Variants in GPATCH1 observed in about 807,000 individuals in gnomAD.
GPATCH1 encodes the protein G-patch domain containing 1, also known as G patch domain-containing protein 1.
In GPATCH1, 73 loss-of-function variants were observed where a neutral mutation model predicts 114.9. The observed-to-expected ratio is 0.64, with a 90% CI of 0.53 to 0.77. GPATCH1 has a LOEUF of 0.77. Ranked by LOEUF, GPATCH1 falls within the 30% of genes least tolerant of loss-of-function variation. The pLI is 0.00. For synonymous variants in GPATCH1, 391 were observed against 428.4 expected, an observed-to-expected ratio of 0.91 and a Z score of 1.08; for missense variants, 1,058 against 1,144.3, an observed-to-expected ratio of 0.92 and a Z score of 1.09.
chr19:33,102,145 T>C (rs9783982), intron 9 of GPATCH1, among the ~76,000 whole-genome samples: 62,953 of 151,372 alleles, frequency 0.42, 16,504 homozygotes, highest in African/African-American at 0.73. Context: ...ACCACCCTGG[T>C]CAATATGGCA....
In GPATCH1 at chr19:33,114,272, AT is replaced by A; in HGVS notation, c.2050del (p.Trp684GlyfsTer17). On this transcript the variant is annotated frameshift_variant, in exon 15 of 20. Coordinates refer to ENST00000170564, the MANE Select transcript of GPATCH1 (RefSeq NM_018025.3). LOFTEE classifies it high-confidence loss of function. ...GPDKSRKPSR[W>X]DTSKHEKKED... ...TTTCAGAATCAAGAAAACCATCCAG[AT>A]GGGATACCTCTAAACACGAAAAGAA... 2 of 1,611,318 alleles carry A rather than the reference AT, an allele frequency of 1.2e-6. No homozygotes were observed. Among genetic ancestry groups the A allele is most frequent in the Non-Finnish European group, 1.7e-6 (2 of 1,179,220 alleles).
intron 11 of GPATCH1, among the ~76,000 whole-genome samples, chr19:33,110,817 G>A (rs1456642055): frequency 6.6e-6 from 1 of 151,754 alleles, no homozygotes; most frequent in East Asian, 1.9e-4. Context: ...TTGGTAGACA[G>A]AATTCAATAA....
intron 1 of GPATCH1, among the ~76,000 whole-genome samples, chr19:33,081,759 T>C (rs1972479584): frequency 6.6e-6 from 1 of 152,054 alleles, no homozygotes; most frequent in South Asian, 2.1e-4. Flanking sequence ...TAGAAAAGAA[T>C]GTCAGAGGGG....
intron 3 of GPATCH1, 118 bp from the exon 4 acceptor site, chr19:33,093,241 T>C (rs1280996868): frequency 2.7e-5 from 17 of 625,140 alleles, no homozygotes; most frequent in Non-Finnish European, 2.5e-5. Flanking sequence ...GTCACTCTGC[T>C]GATCCAGAAC....
In GPATCH1 at chr19:33,109,985, G is replaced by A. The variant is rs770444174; in HGVS notation, c.1554G>A (p.Glu518=). The A allele has an allele frequency of 6.2e-7, 1 of 1,613,370 alleles. No individual in the cohort carries two copies. The highest frequency in any genetic ancestry group is 1.1e-5 in the South Asian group (1 of 90,904). The part of the protein sequence containing the change: ...KDPEKQKRYD[E]FLVHMKQGQK... ...CGGAAAAGCAAAAGCGATACGACGA[G>A]TTCTTAGTACACATGAAACAGGGTC... The change falls in exon 11 of 20, where the codon GAG becomes GAA. Residue 518 remains glutamate (E), a synonymous_variant. Transcript: ENST00000170564.
Position 33,109,768 on chromosome 19 carries a change from T to C in GPATCH1, c.1337T>C (p.Ile446Thr), listed in dbSNP as rs1156745613. The C allele has an allele frequency of 6.3e-7, 1 of 1,598,846 alleles. No individual in the cohort carries two copies. The highest frequency in any genetic ancestry group is 1.1e-5 in the South Asian group (1 of 88,594). ...CTGTCCCAAAAAGACAAAGAGAGAA[T>C]CAAAGAAATGAAGCAGGCAACTGAC... ...EFLSQKDKERIKEMKQATDLK... is the reference protein window; with the variant it reads ...EFLSQKDKERTKEMKQATDLK... The change falls in exon 11 of 20, where the codon ATC (isoleucine) becomes ACC (threonine). Residue 446 changes from isoleucine to threonine, a missense_variant. Physicochemically the swap from Ile to Thr is moderately conservative, Grantham distance 89. Coordinates refer to ENST00000170564, the MANE Select transcript of GPATCH1 (RefSeq NM_018025.3).
chr19:33,094,503 G>A (rs1053440641), intron 5 of GPATCH1, among the ~76,000 whole-genome samples: 1 of 152,110 alleles, frequency 6.6e-6, no homozygotes, highest in Non-Finnish European at 1.5e-5. Context: ...GTAGAGACGG[G>A]GTTTTGCCAT....
intron 3 of GPATCH1, among the ~76,000 whole-genome samples, chr19:33,092,129 C>G (rs1972603498): frequency 6.6e-6 from 1 of 151,950 alleles, no homozygotes; most frequent in Non-Finnish European, 1.5e-5. Context: ...TCACTGCAAC[C>G]TCTGCTTGCC....
At chr19:33,121,602 AG>A (rs146946517) in intron 17 of GPATCH1, among the ~76,000 whole-genome samples, 2,980 of 152,212 alleles carry the variant, frequency 0.02, 118 homozygotes, top group African/African-American at 0.067. Context: ...TTTAGGCGTG[AG>A]CCACCGCACC....
intron 18 of GPATCH1, among the ~76,000 whole-genome samples, chr19:33,125,502 A>C (rs1973031354): frequency 6.6e-6 from 1 of 151,026 alleles, no homozygotes; most frequent in Admixed American, 6.6e-5. Context: ...CTCCTGCTTC[A>C]GCCTCTTGAG....
At chr19:33,128,503 G>A (rs201752062) in intron 19 of GPATCH1, among the ~76,000 whole-genome samples, 59 of 152,218 alleles carry the variant, frequency 3.9e-4, no homozygotes, top group Middle Eastern at 3.4e-3. Flanking sequence ...CTGGTGATCC[G>A]CCTGCCTTGG....
At chr19:33,108,837 G>A (rs1972817026) in intron 10 of GPATCH1, among the ~76,000 whole-genome samples, 1 of 152,170 alleles carries the variant, frequency 6.6e-6, no homozygotes, top group Non-Finnish European at 1.5e-5. Flanking sequence ...CTGCAGGTCT[G>A]GAGCCGGGGA....
intron 10 of GPATCH1, among the ~76,000 whole-genome samples, chr19:33,108,154 G>A (rs1222708039): frequency 6.6e-6 from 1 of 152,054 alleles, no homozygotes; most frequent in African/African-American, 2.4e-5. Context: ...TCCCGGGTCT[G>A]AGCCCCACCC....
intron 16 of GPATCH1, among the ~76,000 whole-genome samples, chr19:33,118,321 G>A (rs1183602629): frequency 6.6e-6 from 1 of 151,546 alleles, no homozygotes; most frequent in Non-Finnish European, 1.5e-5. Flanking sequence ...TGGGACTACA[G>A]GAATGTGCCA....
chr19:33,086,497 ACT>A (rs370284780), intron 1 of GPATCH1, among the ~76,000 whole-genome samples: 19 of 151,942 alleles, frequency 1.3e-4, no homozygotes, highest in Middle Eastern at 3.4e-3. Flanking sequence ...ACAGAATCTC[ACT>A]CTGTCACCCA....
intron 9 of GPATCH1, among the ~76,000 whole-genome samples, chr19:33,106,185 A>G (rs866887269): frequency 1.3e-5 from 2 of 151,800 alleles, no homozygotes; most frequent in Non-Finnish European, 2.9e-5. Context: ...TTTTAGTTTT[A>G]TAGAGATGGG....
In GPATCH1 at chr19:33,112,619, T is replaced by C. The variant is rs1972870384; in HGVS notation, c.1892+6T>C. On this transcript the variant is annotated splice_donor_region_variant and intron_variant, in intron 13 of 19. Transcript: ENST00000170564. ...GTCCCTGACCCTTATCCAGAGTAAG[T>C]TGGATAAACCTTTACATCAGTACAA... 1.2e-6 allele frequency: 2 copies of C among 1,611,652 alleles called. No homozygotes were observed. The highest frequency in any genetic ancestry group is 8.5e-7 in the Non-Finnish European group (1 of 1,177,876).
At chr19:33,124,583 G>A (rs1054251863) in intron 17 of GPATCH1, among the ~76,000 whole-genome samples, 1 of 152,170 alleles carries the variant, frequency 6.6e-6, no homozygotes, top group Non-Finnish European at 1.5e-5. Flanking sequence ...CTAACATTTA[G>A]GTGCCAGATT....
chr19:33,085,751 G>C (rs958566175), intron 1 of GPATCH1, among the ~76,000 whole-genome samples: 9 of 152,212 alleles, frequency 5.9e-5, no homozygotes, highest in African/African-American at 2.2e-4. Flanking sequence ...GTTGTCATTA[G>C]TAGCAGTAAT....
Sources: gnomAD v4.1 joint callset for allele counts (sites outside exome capture counted in the v4.1 genomes callset) on GRCh38, gnomAD v4.1.1 for gene constraint, MANE v1.5 for transcripts, NCBI Gene and HGNC (gene_info 2026-07-23, HGNC 2026-07-21) for gene names.